The following RIGI variants were observed in gnomAD, a reference collection of about 807,000 sequenced individuals.
RIGI encodes the protein RNA sensor RIG-I.
At chr9:32,505,987 C>G in the RIGI span, among the ~76,000 whole-genome samples, 1 of 152,092 alleles carries the variant, frequency 6.6e-6, no homozygotes, top group Admixed American at 6.5e-5. Flanking sequence ...GAGGCCAAGG[C>G]AGGCGGATCA....
chr9:32,501,905 C>A, the RIGI span, among the ~76,000 whole-genome samples: 601 of 152,268 alleles, frequency 3.9e-3, 5 homozygotes, highest in African/African-American at 0.014. Context: ...ACAATAAAAT[C>A]AACCCTTTCA....
At chr9:32,521,440 T>C in the RIGI span, among the ~76,000 whole-genome samples, 2 of 152,088 alleles carry the variant, frequency 1.3e-5, no homozygotes, top group Non-Finnish European at 2.9e-5. Context: ...AAAGGGTAAA[T>C]GTGTTTGTTT....
At chr9:32,526,170 G>T in the RIGI span, 22 of 1,610,196 alleles carry the variant, frequency 1.4e-5, no homozygotes, top group Non-Finnish European at 1.8e-5. Flanking sequence ...TGGTCATGCC[G>T]GCCTCTGCTT....
the RIGI span, among the ~76,000 whole-genome samples, chr9:32,487,127 A>C: frequency 1.2e-4 from 19 of 152,368 alleles, 1 homozygote; most frequent in East Asian, 3.3e-3. Flanking sequence ...ATGACCACAC[A>C]GGCACAGAGC....
At chr9:32,457,450 A>G in the RIGI span, 2 of 1,575,002 alleles carry the variant, frequency 1.3e-6, no homozygotes, top group South Asian at 2.3e-5. Flanking sequence ...AACACACAAA[A>G]GAGAACGTTA....
chr9:32,504,895 A>G, the RIGI span, among the ~76,000 whole-genome samples: 4 of 141,056 alleles, frequency 2.8e-5, no homozygotes, highest in Admixed American at 1.5e-4. Context: ...AATATATAAT[A>G]TATAAAAGTA....
the RIGI span, among the ~76,000 whole-genome samples, chr9:32,514,832 C>T: frequency 6.6e-6 from 1 of 152,280 alleles, no homozygotes; most frequent in African/African-American, 2.4e-5. Context: ...CCAATCCTTG[C>T]ATTACAAGAA....
At chr9:32,481,661 C>A in the RIGI span, among the ~76,000 whole-genome samples, 6 of 152,144 alleles carry the variant, frequency 3.9e-5, no homozygotes, top group African/African-American at 1.4e-4. Context: ...TCTTGGCTCA[C>A]CGCAACCTCC....
the RIGI span, among the ~76,000 whole-genome samples, chr9:32,513,202 C>A: frequency 6.6e-6 from 1 of 151,866 alleles, no homozygotes. Context: ...ACTTTCTTCA[C>A]AGAATTGGAA....
At chr9:32,475,246 C>T in the RIGI span, among the ~76,000 whole-genome samples, 1 of 152,146 alleles carries the variant, frequency 6.6e-6, no homozygotes, top group Non-Finnish European at 1.5e-5. Flanking sequence ...GCCACCATGC[C>T]CAGCCTCAGT....
chr9:32,485,148 G>C, the RIGI span: 2 of 1,518,366 alleles, frequency 1.3e-6, no homozygotes, highest in Non-Finnish European at 1.8e-6. Flanking sequence ...CCAGTAGAGA[G>C]AACACAAAAT....
At chr9:32,464,118 C>A in the RIGI span, among the ~76,000 whole-genome samples, 2 of 151,586 alleles carry the variant, frequency 1.3e-5, no homozygotes, top group Non-Finnish European at 1.5e-5. Flanking sequence ...AGCTGGGGCG[C>A]TGGGGAAGAA....
chr9:32,475,051 A>G, the RIGI span, among the ~76,000 whole-genome samples: 2 of 152,206 alleles, frequency 1.3e-5, no homozygotes, highest in East Asian at 1.9e-4. Context: ...TCCCAGGTTC[A>G]AGTGATTCTC....
chr9:32,476,301 G>C, the RIGI span, among the ~76,000 whole-genome samples: 3 of 152,108 alleles, frequency 2.0e-5, no homozygotes, highest in African/African-American at 7.2e-5. Context: ...TTCAAGACCA[G>C]TCTAGGCAAC....
At chr9:32,472,847 A>G in the RIGI span, 1 of 460,352 alleles carries the variant, frequency 2.2e-6, no homozygotes, top group Non-Finnish European at 3.3e-6. Context: ...TTAAAACAGA[A>G]CTTGAAATAT....
the RIGI span, among the ~76,000 whole-genome samples, chr9:32,460,473 C>T: frequency 2.0e-5 from 3 of 151,950 alleles, no homozygotes; most frequent in East Asian, 5.8e-4. Context: ...ACAGAAAGAT[C>T]TCAAACTGAA....
At chr9:32,495,289 C>T in the RIGI span, among the ~76,000 whole-genome samples, 2 of 152,218 alleles carry the variant, frequency 1.3e-5, no homozygotes, top group African/African-American at 4.8e-5. Context: ...GCAAACTCTG[C>T]CTCCCGGGTT....
At chr9:32,480,173 C>A in the RIGI span, 1 of 1,559,942 alleles carries the variant, frequency 6.4e-7, no homozygotes, top group South Asian at 1.2e-5. Context: ...CCATTCCAGT[C>A]ACCAAGAATG....
At chr9:32,501,341 AAAAAAT>A in the RIGI span, among the ~76,000 whole-genome samples, 4 of 148,602 alleles carry the variant, frequency 2.7e-5, no homozygotes, top group Admixed American at 6.8e-5. Flanking sequence ...AAAAAAAAAA[AAAAAAT>A]TTTTTTAATT....
Sources: gnomAD v4.1 joint callset for allele counts (sites outside exome capture counted in the v4.1 genomes callset) on GRCh38, gnomAD v4.1.1 for gene constraint, MANE v1.5 for transcripts, NCBI Gene and HGNC (gene_info 2026-07-23, HGNC 2026-07-21) for gene names.